Variants in NELL2 observed in about 807,000 individuals in gnomAD.
NELL2 encodes the protein protein kinase C-binding protein NELL2.
Under a neutral mutation model 109.6 loss-of-function variants are expected in NELL2, and 41 were observed. The observed-to-expected ratio is 0.37, with a 90% confidence interval of 0.29 to 0.49. The LOEUF (loss-of-function observed/expected upper bound fraction) is 0.49, where lower values mean the gene tolerates loss of function less well. Among genes scored for constraint, NELL2 ranks in the 20% least tolerant of loss-of-function variants. The pLI, the probability that NELL2 is intolerant of heterozygous loss-of-function variation, is 0.98. For missense variants in NELL2, 900 were observed against 1,008.3 expected (o/e 0.89, Z 1.45); for synonymous variants, 355 against 344.7 (o/e 1.03, Z -0.33).
intron 15 of NELL2, among the ~76,000 whole-genome samples, chr12:44,551,586 C>G (rs1255088144): frequency 2.0e-5 from 3 of 152,132 alleles, no homozygotes; most frequent in Non-Finnish European, 4.4e-5. Flanking sequence ...AGTGCCTTCT[C>G]CCCCTTCTTC....
intron 19 of NELL2, among the ~76,000 whole-genome samples, chr12:44,513,156 T>C (rs1442557529): frequency 1.3e-5 from 2 of 151,960 alleles, no homozygotes; most frequent in Non-Finnish European, 2.9e-5. Context: ...AAAAGGGCCA[T>C]GATTAGGTGT....
intron 15 of NELL2, among the ~76,000 whole-genome samples, chr12:44,566,343 G>A (rs918607467): frequency 1.3e-5 from 2 of 152,016 alleles, no homozygotes; most frequent in Non-Finnish European, 2.9e-5. Flanking sequence ...AACCTCAGAA[G>A]TCGCCATATA....
At chr12:44,826,298 T>C (rs1055834047) in intron 2 of NELL2, among the ~76,000 whole-genome samples, 2 of 151,940 alleles carry the variant, frequency 1.3e-5, no homozygotes, top group African/African-American at 2.4e-5. Flanking sequence ...ATTTCAGACA[T>C]AGAATGGTTG....
chr12:44,574,259 G>A (rs753850474), intron 15 of NELL2, among the ~76,000 whole-genome samples: 12 of 151,920 alleles, frequency 7.9e-5, no homozygotes, highest in East Asian at 5.8e-4. Context: ...GCGCCACAAC[G>A]CCTGGCTATG....
intron 2 of NELL2, among the ~76,000 whole-genome samples, chr12:44,818,386 C>T (rs1943424153): frequency 6.6e-6 from 1 of 152,200 alleles, no homozygotes; most frequent in Non-Finnish European, 1.5e-5. Flanking sequence ...ACTTCAGCAG[C>T]ATCCTTTGTC....
At chr12:44,554,017 ACTT>A (rs1210208564) in intron 15 of NELL2, among the ~76,000 whole-genome samples, 1 of 152,160 alleles carries the variant, frequency 6.6e-6, no homozygotes, top group African/African-American at 2.4e-5. Context: ...AACAGGACAG[ACTT>A]CAGATTGCAG....
At chr12:44,733,144 T>C (rs762232468) in intron 9 of NELL2, among the ~76,000 whole-genome samples, 22 of 152,098 alleles carry the variant, frequency 1.4e-4, no homozygotes, top group Non-Finnish European at 2.4e-4. Flanking sequence ...GAAAACAGCA[T>C]AGAGGTTCCT....
intron 3 of NELL2, among the ~76,000 whole-genome samples, chr12:44,791,106 T>TAC (rs1456832493): frequency 3.2e-4 from 8 of 25,390 alleles, no homozygotes; most frequent in Non-Finnish European, 4.8e-4. Flanking sequence ...TGTATATATA[T>TAC]ATGTATATAT....
At chr12:44,655,483 T>C (rs1247845512) in intron 13 of NELL2, among the ~76,000 whole-genome samples, 3 of 152,228 alleles carry the variant, frequency 2.0e-5, no homozygotes, top group Non-Finnish European at 4.4e-5. Context: ...TTTGAGCCTG[T>C]TCCATTTTGA....
At chr12:44,799,221 G>C (rs548812530) in intron 3 of NELL2, among the ~76,000 whole-genome samples, 13 of 152,002 alleles carry the variant, frequency 8.6e-5, no homozygotes, top group African/African-American at 2.9e-4. Flanking sequence ...GCCTCCCAAA[G>C]TGCTGGGACT....
chr12:44,698,548 G>C (rs1161218785), intron 12 of NELL2, among the ~76,000 whole-genome samples: 2 of 152,144 alleles, frequency 1.3e-5, no homozygotes, highest in African/African-American at 4.8e-5. Flanking sequence ...TGTCTAAACA[G>C]GTGACATGAA....
chr12:44,561,602 C>T (rs1202014596), intron 15 of NELL2, among the ~76,000 whole-genome samples: 1 of 152,084 alleles, frequency 6.6e-6, no homozygotes, highest in African/African-American at 2.4e-5. Context: ...CATAAGAATA[C>T]AACTTACATG....
intron 12 of NELL2, among the ~76,000 whole-genome samples, chr12:44,666,169 G>A (rs1947918558): frequency 6.6e-6 from 1 of 152,172 alleles, no homozygotes; most frequent in Admixed American, 6.5e-5. Flanking sequence ...ACCTGATATA[G>A]ATGAGAAGTT....
chr12:44,634,758 A>G (rs1279846058), intron 13 of NELL2, among the ~76,000 whole-genome samples: 2 of 152,208 alleles, frequency 1.3e-5, no homozygotes, highest in African/African-American at 4.8e-5. Context: ...ACTGTCTTCC[A>G]CAATGGTTAA....
At chr12:44,584,663 A>T (rs1944433619) in intron 15 of NELL2, among the ~76,000 whole-genome samples, 1 of 152,208 alleles carries the variant, frequency 6.6e-6, no homozygotes, top group Admixed American at 6.5e-5. Context: ...TTTTCTAATT[A>T]TCTCAGTAGG....
chr12:44,886,056 A>G (rs1164090332), intron 1 of NELL2, among the ~76,000 whole-genome samples: 1 of 150,324 alleles, frequency 6.7e-6, no homozygotes, highest in Non-Finnish European at 1.5e-5. Context: ...TTGAACAATG[A>G]TGCCAGAACA....
At chr12:44,593,040 G>A (rs1473811977) in intron 15 of NELL2, among the ~76,000 whole-genome samples, 2 of 152,144 alleles carry the variant, frequency 1.3e-5, no homozygotes, top group African/African-American at 2.4e-5. Context: ...GGAAATGAAG[G>A]GAGATGAGTC....
chr12:44,845,696 T>C (rs1044253149), intron 2 of NELL2, among the ~76,000 whole-genome samples: 2 of 152,162 alleles, frequency 1.3e-5, no homozygotes, highest in Admixed American at 1.3e-4. Context: ...ACAATTAAGA[T>C]TTGGAACTTT....
intron 2 of NELL2, among the ~76,000 whole-genome samples, chr12:44,858,037 G>C (rs1330423070): frequency 2.6e-5 from 4 of 152,164 alleles, no homozygotes; most frequent in Non-Finnish European, 5.9e-5. Flanking sequence ...AAGGGAGCAT[G>C]ATCCTCTGAT....
Sources: gnomAD v4.1 joint callset for allele counts (sites outside exome capture counted in the v4.1 genomes callset) on GRCh38, gnomAD v4.1.1 for gene constraint, MANE v1.5 for transcripts, NCBI Gene and HGNC (gene_info 2026-07-23, HGNC 2026-07-21) for gene names.